UNC5C: variants seen among roughly 807,000 people sequenced by gnomAD.
UNC5C encodes unc-5 netrin receptor C.
In UNC5C, 47 loss-of-function variants were observed where a neutral mutation model predicts 99.8. The observed-to-expected ratio is 0.47, with a 90% CI of 0.37 to 0.60. UNC5C has a LOEUF of 0.60. Ranked by LOEUF, UNC5C falls within the 20% of genes least tolerant of loss-of-function variation. The probability of loss-of-function intolerance (pLI) is 0.00; values close to 1 mark genes in which losing one functional copy is unlikely to be tolerated. For missense variants in UNC5C, 1,062 were observed against 1,165.9 expected, an observed-to-expected ratio of 0.91 and a Z score of 1.30; for synonymous variants, 487 against 452.2, an observed-to-expected ratio of 1.08 and a Z score of -0.98.
chr4:95,544,307 G>A (rs1201618042), intron 1 of UNC5C, among the ~76,000 whole-genome samples: 1 of 152,124 alleles, frequency 6.6e-6, no homozygotes, highest in Admixed American at 6.5e-5. Flanking sequence ...CCTCCCCAGA[G>A]CCAGATGAAA....
At chr4:95,523,865 C>G (rs1722428622) in intron 1 of UNC5C, among the ~76,000 whole-genome samples, 1 of 152,050 alleles carries the variant, frequency 6.6e-6, no homozygotes, top group African/African-American at 2.4e-5. Flanking sequence ...AGCTTTAATT[C>G]CATTTCTATA....
intron 14 of UNC5C, among the ~76,000 whole-genome samples, chr4:95,173,918 C>A (rs1258655302): frequency 3.2e-4 from 48 of 151,600 alleles, no homozygotes; most frequent in Non-Finnish European, 4.7e-4. Flanking sequence ...ACAATTTCAG[C>A]TCCTGTTATT....
chr4:95,197,862 T>C (rs572797158), intron 12 of UNC5C, among the ~76,000 whole-genome samples: 2 of 152,162 alleles, frequency 1.3e-5, no homozygotes, highest in Non-Finnish European at 2.9e-5. Flanking sequence ...TAGAAAAGGC[T>C]GCAGCAGCTC....
chr4:95,474,317 G>A (rs1202407389), intron 1 of UNC5C, among the ~76,000 whole-genome samples: 1 of 151,976 alleles, frequency 6.6e-6, no homozygotes, highest in Admixed American at 6.6e-5. Flanking sequence ...TTGAGATGAA[G>A]TCTCACTCTG....
At chr4:95,489,468 T>C (rs989273485) in intron 1 of UNC5C, among the ~76,000 whole-genome samples, 2 of 151,504 alleles carry the variant, frequency 1.3e-5, no homozygotes, top group African/African-American at 4.8e-5. Context: ...AGAGATGAGG[T>C]ATTAGAAGAT....
intron 2 of UNC5C, among the ~76,000 whole-genome samples, chr4:95,323,031 A>C (rs1472299701): frequency 6.6e-6 from 1 of 152,168 alleles, no homozygotes; most frequent in Non-Finnish European, 1.5e-5. Context: ...CCATGAATGT[A>C]ATGAAAATGG....
rs1441416491 is a variant in UNC5C, at chr4:95,301,732, C to G, written c.364G>C (p.Val122Leu). The change falls in exon 3 of 16, where the codon GTG (valine) becomes CTG (leucine). Residue 122 changes from valine (V) to leucine (L), a missense_variant. Transcript: ENST00000453304. ...DETSGLIVRE[V>L]SIEISRQQVE... ...TGCTGGCGCGAAATCTCAATGCTCACTTCCCGGACAATGAGACCTGACAAG... is the reference window on the plus strand; with the variant it reads ...TGCTGGCGCGAAATCTCAATGCTCAGTTCCCGGACAATGAGACCTGACAAG... 20 of 1,612,768 alleles carry G rather than the reference C, an allele frequency of 1.2e-5. No individual in the cohort carries two copies. The highest frequency in any genetic ancestry group is 1.7e-5 in the Non-Finnish European group (20 of 1,180,012).
intron 14 of UNC5C, among the ~76,000 whole-genome samples, chr4:95,178,075 G>A (rs1344968834): frequency 6.6e-6 from 1 of 152,176 alleles, no homozygotes; most frequent in Admixed American, 6.5e-5. Context: ...CATGTGAAGT[G>A]CAGAATGCAG....
At chr4:95,350,729 T>G (rs143108149) in intron 1 of UNC5C, among the ~76,000 whole-genome samples, 421 of 152,298 alleles carry the variant, frequency 2.8e-3, no homozygotes, top group Non-Finnish European at 4.7e-3. Context: ...GAAAATTCAT[T>G]ATTACAATGT....
At chr4:95,447,720 C>G (rs1747148122) in intron 1 of UNC5C, among the ~76,000 whole-genome samples, 1 of 152,220 alleles carries the variant, frequency 6.6e-6, no homozygotes, top group East Asian at 1.9e-4. Context: ...AGGCTGGTCT[C>G]AAACTCGTGA....
intron 1 of UNC5C, among the ~76,000 whole-genome samples, chr4:95,381,071 G>GATA (rs1213320875): frequency 6.6e-6 from 1 of 152,168 alleles, no homozygotes; most frequent in Non-Finnish European, 1.5e-5. Context: ...AAATACCTGA[G>GATA]ATAATTACTT....
chr4:95,290,425 C>G (rs1346586328), intron 3 of UNC5C, among the ~76,000 whole-genome samples: 1 of 151,860 alleles, frequency 6.6e-6, no homozygotes, highest in African/African-American at 2.4e-5. Flanking sequence ...GCAGTTCCCT[C>G]TATAGTTTGA....
chr4:95,518,793 G>T (rs114982452), intron 1 of UNC5C, among the ~76,000 whole-genome samples: 61 of 152,268 alleles, frequency 4.0e-4, no homozygotes, highest in African/African-American at 1.4e-3. Context: ...TGATGAAGAG[G>T]TTGCTCTCCA....
intron 1 of UNC5C, among the ~76,000 whole-genome samples, chr4:95,432,541 A>G (rs1746661546): frequency 6.6e-6 from 1 of 152,004 alleles, no homozygotes; most frequent in African/African-American, 2.4e-5. Context: ...GCAAGTGACA[A>G]TTTACACAGA....
chr4:95,240,625 A>AACAAAC (rs34455164), intron 7 of UNC5C, among the ~76,000 whole-genome samples: 8,123 of 152,164 alleles, frequency 0.053, 252 homozygotes, highest in South Asian at 0.099. Context: ...TACAAACAAA[A>AACAAAC]ACAAACACAA....
intron 4 of UNC5C, among the ~76,000 whole-genome samples, chr4:95,267,784 T>C (rs1485015219): frequency 6.6e-6 from 1 of 150,700 alleles, no homozygotes; most frequent in Non-Finnish European, 1.5e-5. Context: ...CAAATGCCAG[T>C]AAATAACAAT....
chr4:95,518,854 T>C (rs1432962428), intron 1 of UNC5C, among the ~76,000 whole-genome samples: 2 of 152,166 alleles, frequency 1.3e-5, no homozygotes, highest in African/African-American at 4.8e-5. Context: ...TAAAGGAGGA[T>C]CTAGTGAGAA....
At chr4:95,277,056 T>C (rs2149393626) in intron 4 of UNC5C, among the ~76,000 whole-genome samples, 1 of 152,290 alleles carries the variant, frequency 6.6e-6, no homozygotes, top group Admixed American at 6.5e-5. Flanking sequence ...CCTGACCCCA[T>C]CTTTACTTCT....
chr4:95,526,153 C>T (rs1230593057), intron 1 of UNC5C, among the ~76,000 whole-genome samples: 2 of 152,128 alleles, frequency 1.3e-5, no homozygotes, highest in Non-Finnish European at 2.9e-5. Context: ...CATGATCTAA[C>T]TTTTCCCCTA....
Sources: gnomAD v4.1 joint callset for allele counts (sites outside exome capture counted in the v4.1 genomes callset) on GRCh38, gnomAD v4.1.1 for gene constraint, MANE v1.5 for transcripts, NCBI Gene and HGNC (gene_info 2026-07-23, HGNC 2026-07-21) for gene names.